Variants in DLGAP2 observed in about 807,000 individuals in gnomAD.
The protein encoded by DLGAP2 is disks large-associated protein 2.
In DLGAP2, 26 loss-of-function variants were observed where a neutral mutation model predicts 100.3. The observed-to-expected ratio is 0.26, with a 90% CI of 0.19 to 0.36. The LOEUF (loss-of-function observed/expected upper bound fraction) is 0.36, where lower values mean the gene tolerates loss of function less well. DLGAP2 is among the 10% of genes least tolerant of loss of function. The probability of loss-of-function intolerance (pLI) is 1.00; values close to 1 mark genes in which losing one functional copy is unlikely to be tolerated. For missense variants in DLGAP2, 1,858 were observed against 1,453.2 expected (o/e 1.28, Z -4.53); for synonymous variants, 886 against 630.1 (o/e 1.41, Z -6.08).
intron 2 of DLGAP2, among the ~76,000 whole-genome samples, chr8:1,211,718 A>T (rs1422366467): frequency 1.3e-5 from 2 of 152,148 alleles, no homozygotes; most frequent in Non-Finnish European, 2.9e-5. Flanking sequence ...TCTACTAAAA[A>T]TACAAAATTA....
chr8:1,343,710 T>TG (rs34113891), intron 3 of DLGAP2, among the ~76,000 whole-genome samples: 56,454 of 150,874 alleles, frequency 0.37, 11,217 homozygotes, highest in Admixed American at 0.49. Flanking sequence ...TGGGGGGTCG[T>TG]GGGGGGTGTT....
At chr8:746,898 CCT>C (rs1374713605) in intron 1 of DLGAP2, among the ~76,000 whole-genome samples, 1 of 152,168 alleles carries the variant, frequency 6.6e-6, no homozygotes, top group African/African-American at 2.4e-5. Flanking sequence ...GGACGGTGCC[CCT>C]GTTAGGGTGA....
chr8:1,167,598 C>G (rs545344472), intron 2 of DLGAP2, among the ~76,000 whole-genome samples: 29 of 152,284 alleles, frequency 1.9e-4, no homozygotes, highest in African/African-American at 6.0e-4. Context: ...TGAGGTAATA[C>G]TTAAAATTAT....
chr8:1,678,876 C>T, intron 12 of DLGAP2: 1 of 441,006 alleles, frequency 2.3e-6, no homozygotes, highest in Non-Finnish European at 3.9e-6. Flanking sequence ...AGAAAATCAA[C>T]TGTGCTAACA....
At chr8:1,543,438 G>C (rs1396606510) in intron 4 of DLGAP2, among the ~76,000 whole-genome samples, 2 of 152,168 alleles carry the variant, frequency 1.3e-5, no homozygotes, top group Non-Finnish European at 1.5e-5. Context: ...TTATTTGTAG[G>C]AGAGACTATT....
At chr8:973,888 TCCGCCACCGCCGCCA>T (rs370439356) in intron 2 of DLGAP2, among the ~76,000 whole-genome samples, 3,771 of 139,102 alleles carry the variant, frequency 0.027, 143 homozygotes, top group African/African-American at 0.091. Context: ...CTTCCCCTCC[TCCGCCACCGCCGCCA>T]CCGCCACCGC....
chr8:786,160 G>A (rs545150610), intron 1 of DLGAP2, among the ~76,000 whole-genome samples: 3 of 152,322 alleles, frequency 2.0e-5, no homozygotes, highest in South Asian at 4.1e-4. Flanking sequence ...GGAAAAGCCC[G>A]TCCTGGCAGG....
At chr8:866,906 C>T (rs1450544427) in intron 1 of DLGAP2, among the ~76,000 whole-genome samples, 2 of 152,130 alleles carry the variant, frequency 1.3e-5, no homozygotes, top group African/African-American at 4.8e-5. Context: ...ATGCCACGTT[C>T]CCAGGGAAGC....
At chr8:836,690 G>A (rs536673447) in intron 1 of DLGAP2, among the ~76,000 whole-genome samples, 64 of 152,322 alleles carry the variant, frequency 4.2e-4, no homozygotes, top group African/African-American at 1.5e-3. Flanking sequence ...GACCCTGGAA[G>A]GGCTTTGGAG....
At chr8:1,500,902 T>C (rs1799699297) in intron 3 of DLGAP2, among the ~76,000 whole-genome samples, 1 of 152,194 alleles carries the variant, frequency 6.6e-6, no homozygotes, top group South Asian at 2.1e-4. Flanking sequence ...GCTTTGAACA[T>C]TGCAAAATGA....
At chr8:1,654,023 G>A (rs1563042788) in intron 8 of DLGAP2, among the ~76,000 whole-genome samples, 1 of 152,138 alleles carries the variant, frequency 6.6e-6, no homozygotes, top group Non-Finnish European at 1.5e-5. Context: ...CAATGTCTGC[G>A]CACTCACTAT....
At chr8:1,484,279 C>T (rs749381930) in intron 3 of DLGAP2, among the ~76,000 whole-genome samples, 1 of 152,272 alleles carries the variant, frequency 6.6e-6, no homozygotes, top group Non-Finnish European at 1.5e-5. Flanking sequence ...ACCCGTATCA[C>T]TGCCTGGTCC....
intron 10 of DLGAP2, among the ~76,000 whole-genome samples, chr8:1,671,039 C>A (rs1240902835): frequency 6.6e-6 from 1 of 152,202 alleles, no homozygotes; most frequent in Admixed American, 6.5e-5. Context: ...CTTACAATAA[C>A]CCTGTGTGCT....
intron 2 of DLGAP2, among the ~76,000 whole-genome samples, chr8:1,118,039 G>A (rs745423237): frequency 6.6e-6 from 1 of 152,186 alleles, no homozygotes; most frequent in Non-Finnish European, 1.5e-5. Context: ...AAGTTGTATA[G>A]ATTCATTTGG....
chr8:1,217,300 A>C (rs911479778), intron 2 of DLGAP2, among the ~76,000 whole-genome samples: 2 of 152,002 alleles, frequency 1.3e-5, no homozygotes, highest in African/African-American at 4.8e-5. Context: ...TTGTTTTTTT[A>C]TGGCTGCACA....
chr8:1,199,285 A>G (rs1369795860), intron 2 of DLGAP2, among the ~76,000 whole-genome samples: 4 of 152,192 alleles, frequency 2.6e-5, no homozygotes, highest in East Asian at 1.9e-4. Context: ...CACTCAACAG[A>G]TATCTTGCAA....
chr8:987,038 C>G (rs1280538506), intron 2 of DLGAP2, among the ~76,000 whole-genome samples: 2 of 152,170 alleles, frequency 1.3e-5, no homozygotes, highest in Non-Finnish European at 1.5e-5. Flanking sequence ...GGAGCAAATC[C>G]CTGGTGAAAT....
intron 3 of DLGAP2, among the ~76,000 whole-genome samples, chr8:1,425,417 C>T (rs1246502498): frequency 8.5e-5 from 13 of 152,178 alleles, no homozygotes; most frequent in African/African-American, 2.7e-4. Context: ...CAGCATCGCC[C>T]ATGGTACCAG....
intron 3 of DLGAP2, among the ~76,000 whole-genome samples, chr8:1,361,201 A>G (rs1326941111): frequency 6.6e-6 from 1 of 152,096 alleles, no homozygotes; most frequent in Non-Finnish European, 1.5e-5. Context: ...ACCAACTGCA[A>G]ATGTGTAGCC....
Sources: allele counts gnomAD v4.1 joint callset (sites outside exome capture counted in the v4.1 genomes callset), GRCh38; gene constraint gnomAD v4.1.1; transcripts MANE v1.5; gene names NCBI Gene and HGNC (gene_info 2026-07-23, HGNC 2026-07-21).